PPIL4: variants seen among roughly 807,000 people sequenced by gnomAD.
PPIL4 encodes peptidyl-prolyl cis-trans isomerase-like 4.
Under a neutral mutation model 69.1 loss-of-function variants are expected in PPIL4, and 50 were observed. The observed-to-expected ratio is 0.72, with a 90% CI of 0.58 to 0.92. PPIL4 has a LOEUF of 0.92. PPIL4 is among the 40% of genes least tolerant of loss of function. The pLI is 0.00. For missense variants in PPIL4, 480 were observed against 587.9 expected, an observed-to-expected ratio of 0.82 and a Z score of 1.90; for synonymous variants, 193 against 191.6, an observed-to-expected ratio of 1.01 and a Z score of -0.06.
Position 149,512,180 on chromosome 6 carries a change from T to C in PPIL4, c.1202A>G (p.Tyr401Cys), listed in dbSNP as rs778198794. The C allele has an allele frequency of 1.2e-6, 2 of 1,612,294 alleles. No homozygotes were observed. Among genetic ancestry groups the C allele is most frequent in the Admixed American group, 1.7e-5 (1 of 59,678 alleles). Residue 401 changes from tyrosine (Y) to cysteine (C), a missense_variant, in exon 12 of 13, where the codon TAC becomes TGC. Coordinates refer to ENST00000253329, the MANE Select transcript of PPIL4 (RefSeq NM_139126.4). ...HCSEEKEDED[Y>C]MPIKNTNQDI... is the part of the protein sequence containing the mutation. Reference sequence around the variant, plus strand: ...CTGATTAGTATTTTTGATTGGCATGTAGTCCTCATCTTCTTTCTCTTCAGA... The same window carrying C: ...CTGATTAGTATTTTTGATTGGCATGCAGTCCTCATCTTCTTTCTCTTCAGA...
chr6:149,519,349 G>A (rs1457727244), intron 10 of PPIL4, among the ~76,000 whole-genome samples: 1 of 152,136 alleles, frequency 6.6e-6, no homozygotes, highest in Non-Finnish European at 1.5e-5. Context: ...CTCTTTGGAA[G>A]CAGAGCTCTA....
In PPIL4 at chr6:149,541,154, A is replaced by T. The variant is rs999855298; in HGVS notation, c.204-95T>A. ...AGGGTTATCAATTATTTCTTTACAG[A>T]AATGCCAACAGAATTCAAAATATTA... On this transcript the variant is annotated intron_variant, in intron 3 of 12. Transcript: ENST00000253329. 10 of 664,412 alleles carry T rather than the reference A, an allele frequency of 1.5e-5. No homozygotes were observed. In the Admixed American group the frequency reaches 3.0e-4, roughly 20 times the overall value. 41.2% of individuals were successfully genotyped at this position (664,412 alleles called of 1,614,324 possible).
At chr6:149,529,463 T>A (rs4897139) in intron 7 of PPIL4, among the ~76,000 whole-genome samples, 38,821 of 149,652 alleles carry the variant, frequency 0.26, 6,372 homozygotes, top group East Asian at 0.77. Context: ...AAAAAAAAAT[T>A]AAAAAAAATT....
intron 1 of PPIL4, among the ~76,000 whole-genome samples, chr6:149,543,091 G>A (rs969149927): frequency 6.6e-6 from 1 of 152,134 alleles, no homozygotes; most frequent in African/African-American, 2.4e-5. Context: ...ATCAAAATCC[G>A]ATGGGAACAA....
chr6:149,506,067 C>T (rs938612047), intron 12 of PPIL4, among the ~76,000 whole-genome samples: 29 of 152,162 alleles, frequency 1.9e-4, no homozygotes, highest in South Asian at 4.1e-4. Context: ...TCCCCCAAAA[C>T]GTGGTCCCAT....
In PPIL4 at chr6:149,514,898, G is replaced by A. The variant is rs542414634; in HGVS notation, c.1079+2456C>T. Among the ~76,000 whole-genome samples the A allele has an allele frequency of 1.5e-4, 23 of 151,106 alleles. No homozygotes were observed. In the South Asian group the frequency reaches 2.9e-3, roughly 19 times the overall value. Reference sequence around the variant, plus strand: ...GTTGCCCAGGCTGGAGTACAATGGCGCGATCTTGGCTCACCACAACCTCTG... The same window carrying A: ...GTTGCCCAGGCTGGAGTACAATGGCACGATCTTGGCTCACCACAACCTCTG... On this transcript the variant is annotated intron_variant, in intron 11 of 12. Coordinates refer to ENST00000253329, the MANE Select transcript of PPIL4 (RefSeq NM_139126.4).
At chr6:149,521,569 A>T (rs994762749) in intron 9 of PPIL4, among the ~76,000 whole-genome samples, 2 of 152,220 alleles carry the variant, frequency 1.3e-5, no homozygotes, top group African/African-American at 4.8e-5. Flanking sequence ...TGTTGTTAAA[A>T]TTAATTTGGC....
intron 4 of PPIL4, among the ~76,000 whole-genome samples, chr6:149,539,100 G>A (rs545304610): frequency 6.6e-6 from 1 of 152,290 alleles, no homozygotes; most frequent in East Asian, 1.9e-4. Context: ...GCCCCCCTCA[G>A]CCTCCCAAAG....
intron 1 of PPIL4, among the ~76,000 whole-genome samples, chr6:149,545,152 A>T (rs1777420592): frequency 6.6e-6 from 1 of 152,114 alleles, no homozygotes; most frequent in Non-Finnish European, 1.5e-5. Context: ...AGCCACACCA[A>T]ACTACTTGCC....
In PPIL4 at chr6:149,541,317, G is replaced by GTAAATAAATAAATAAA. The variant is rs146577244; in HGVS notation, c.203+34_203+49dup. 20 of 757,186 alleles carry GTAAATAAATAAATAAA rather than the reference G, an allele frequency of 2.6e-5. No homozygotes were observed. In the African/African-American group the frequency reaches 3.0e-4, roughly 11 times the overall value. 46.9% of individuals were successfully genotyped at this position (757,186 alleles called of 1,614,324 possible). A position where few individuals can be genotyped will look rare whatever the true frequency, so the allele number is the denominator to read the frequency against. On this transcript the variant is annotated intron_variant, in intron 3 of 12. Transcript: ENST00000253329. ...TGTTCTGCCCTTCCAGAGGTTAAAA[G>GTAAATAAATAAATAAA]TAAATAAATAAATAAATAAATAAAT...
intron 12 of PPIL4, among the ~76,000 whole-genome samples, chr6:149,506,857 C>T (rs1015734078): frequency 2.0e-5 from 3 of 152,156 alleles, no homozygotes; most frequent in African/African-American, 7.2e-5. Flanking sequence ...CTCGGCCTCC[C>T]AAAGTACTGG....
At chr6:149,533,369 T>A in intron 7 of PPIL4, 89 bp downstream of exon 7, 2 of 731,076 alleles carry the variant, frequency 2.7e-6, no homozygotes, top group Non-Finnish European at 4.6e-6. Flanking sequence ...TTTTTAACAT[T>A]TTAAGACTAC....
In PPIL4 at chr6:149,529,668, C is replaced by G. The variant is rs574484705; in HGVS notation, c.679-2892G>C. 2.7e-5 allele frequency among the ~76,000 whole-genome samples: 4 copies of G among 148,576 alleles called. No individual in the cohort carries two copies. In the South Asian group the frequency reaches 6.4e-4, roughly 24 times the overall value. ...GTCCCAGCTACTCAGGAGGCTGAGG[C>G]AGGAGAATCTCTTGAACCTGGGAGG... On this transcript the variant is annotated intron_variant, in intron 7 of 12. Transcript: ENST00000253329.
chr6:149,534,316 C>T (rs572186422), intron 6 of PPIL4, among the ~76,000 whole-genome samples: 19 of 152,310 alleles, frequency 1.2e-4, no homozygotes, highest in South Asian at 1.2e-3. Context: ...GAACAGTCTG[C>T]GCTGTTTCAC....
intron 12 of PPIL4, among the ~76,000 whole-genome samples, chr6:149,507,781 C>G: frequency 6.6e-6 from 1 of 152,156 alleles, no homozygotes; most frequent in Non-Finnish European, 1.5e-5. Context: ...GCTACACAAG[C>G]TTTGAAGTCA....
chr6:149,525,255 G>GAAA, intron 8 of PPIL4, 46 bp from the exon 9 acceptor site: 1 of 949,330 alleles, frequency 1.1e-6, no homozygotes, highest in Admixed American at 2.4e-5. Flanking sequence ...AAAAAAGGAA[G>GAAA]AAAGCATTCA....
At chr6:149,522,886 C>T (rs1180982053) in intron 9 of PPIL4, among the ~76,000 whole-genome samples, 1 of 152,180 alleles carries the variant, frequency 6.6e-6, no homozygotes, top group African/African-American at 2.4e-5. Flanking sequence ...GCTGGGATTA[C>T]AGGCGTGAGC....
At position 149,513,436 on chromosome 6, in the gene PPIL4, T is replaced by TAC. The variant is rs1184282691; in HGVS notation, c.1080-1135_1080-1134insGT. On this transcript the variant is annotated intron_variant, in intron 11 of 12. Coordinates refer to ENST00000253329, the MANE Select transcript of PPIL4 (RefSeq NM_139126.4). ...AAATATATATATATATATATATATA[T>TAC]ATACATATAAAAAATATGCATAATA... Among the ~76,000 whole-genome samples the TAC allele has an allele frequency of 1.2e-3, 134 of 108,050 alleles. 2 individuals are homozygous for TAC. In the East Asian group the frequency reaches 0.018, roughly 14 times the overall value. 70.9% of individuals were successfully genotyped at this position (108,050 alleles called of 152,430 possible). A position where few individuals can be genotyped will look rare whatever the true frequency, so the allele number is the denominator to read the frequency against.
At chr6:149,543,438 C>T (rs753063793) in intron 1 of PPIL4, among the ~76,000 whole-genome samples, 5 of 152,164 alleles carry the variant, frequency 3.3e-5, no homozygotes, top group Non-Finnish European at 7.4e-5. Flanking sequence ...ATATATGAGA[C>T]ATTTTAACCA....
Sources: allele counts gnomAD v4.1 joint callset (sites outside exome capture counted in the v4.1 genomes callset), GRCh38; gene constraint gnomAD v4.1.1; transcripts MANE v1.5; gene names NCBI Gene and HGNC (gene_info 2026-07-23, HGNC 2026-07-21).